The following SLC22A25 variants were observed in gnomAD, a reference collection of about 807,000 sequenced individuals.
SLC22A25 encodes MGI:2442751, MGI:2385316, MGI:3042283, MGI:3645714, MGI:3605624, MGI:2442750.
SLC22A25 carries 44 observed loss-of-function variants against 45.9 expected under a neutral mutation model. The observed-to-expected ratio is 0.96, with a 90% CI of 0.75 to 1.23. The LOEUF is 1.23. SLC22A25 is among the 50% of genes most tolerant of loss of function. The pLI is 0.00. For synonymous variants in SLC22A25, 283 were observed against 238.6 expected, an observed-to-expected ratio of 1.19 and a Z score of -1.72; for missense variants, 800 against 666.4, an observed-to-expected ratio of 1.20 and a Z score of -2.21.
intron 9 of SLC22A25, among the ~76,000 whole-genome samples, chr11:63,172,488 A>T (rs1448675613): frequency 6.6e-6 from 1 of 152,178 alleles, no homozygotes; most frequent in Non-Finnish European, 1.5e-5. Flanking sequence ...ATGTGAACAG[A>T]CACTTCTCAA....
At chr11:63,180,826 G>A in intron 8 of SLC22A25, 51 bp from the exon 9 acceptor site, 2 of 1,369,854 alleles carry the variant, frequency 1.5e-6, no homozygotes, top group Non-Finnish European at 2.1e-6. Flanking sequence ...AAAATGGTAG[G>A]CATTGTAAGA....
chr11:63,214,001 C>T (rs1280037047), intron 7 of SLC22A25, among the ~76,000 whole-genome samples: 3 of 152,130 alleles, frequency 2.0e-5, no homozygotes, highest in Non-Finnish European at 4.4e-5. Flanking sequence ...ATTTAACCAA[C>T]TGTTGCCAAG....
intron 3 of SLC22A25, among the ~76,000 whole-genome samples, chr11:63,235,671 G>C: frequency 6.6e-6 from 1 of 152,174 alleles, no homozygotes; most frequent in Non-Finnish European, 1.5e-5. Flanking sequence ...GTCCAGCTTT[G>C]TTCTGTTGCT....
At chr11:63,238,062 G>T (rs758833287) in intron 2 of SLC22A25, 50 bp from the exon 3 acceptor site, 1 of 152,124 alleles carries the variant, frequency 6.6e-6, no homozygotes, top group Non-Finnish European at 1.5e-5. Flanking sequence ...AACTTAAAAC[G>T]CCTCAGAGGA....
intron 1 of SLC22A25, among the ~76,000 whole-genome samples, chr11:63,241,486 C>T (rs1330679960): frequency 6.6e-6 from 1 of 152,186 alleles, no homozygotes; most frequent in East Asian, 1.9e-4. Flanking sequence ...CTCTTTCCTT[C>T]CTATTATCCA....
chr11:63,173,398 C>T (rs1317136926), intron 9 of SLC22A25, among the ~76,000 whole-genome samples: 1 of 152,060 alleles, frequency 6.6e-6, no homozygotes, highest in Non-Finnish European at 1.5e-5. Flanking sequence ...AAAAAAGAGG[C>T]AGTCAATAAA....
Position 63,239,955 on chromosome 11 carries a change from G to C in SLC22A25, c.-995-820C>G, listed in dbSNP as rs994336592. ...ACAGTCATGCATCTCAAAACAACAGGAATATGCTCTGAGAAATGCATTATT... is the reference window on the plus strand; with the variant it reads ...ACAGTCATGCATCTCAAAACAACAGCAATATGCTCTGAGAAATGCATTATT... On this transcript the variant is annotated intron_variant, in intron 1 of 11. Coordinates refer to ENST00000306494, the MANE Select transcript of SLC22A25 (RefSeq NM_199352.6). Among the ~76,000 whole-genome samples the C allele has an allele frequency of 7.9e-5, 12 of 152,092 alleles. 1 individual carries two copies. The highest frequency in any genetic ancestry group is 3.3e-4 in the Admixed American group (5 of 15,266).
chr11:63,236,751 C>A (rs1027199771), intron 3 of SLC22A25, among the ~76,000 whole-genome samples: 19 of 152,294 alleles, frequency 1.2e-4, no homozygotes, highest in Admixed American at 1.1e-3. Flanking sequence ...GCATCGCTGA[C>A]CCTGGGAGCT....
chr11:63,240,345 T>C (rs774580388), intron 1 of SLC22A25, among the ~76,000 whole-genome samples: 1 of 152,114 alleles, frequency 6.6e-6, no homozygotes, highest in Non-Finnish European at 1.5e-5. Flanking sequence ...TTCATTAGAG[T>C]CAAAGAAAAA....
chr11:63,169,279 A>G (rs1380113871), intron 9 of SLC22A25, among the ~76,000 whole-genome samples: 1 of 152,216 alleles, frequency 6.6e-6, no homozygotes, highest in South Asian at 2.1e-4. Flanking sequence ...CAAACTAAGC[A>G]GCTAACATCA....
At chr11:63,188,790 C>T (rs190340396) in intron 7 of SLC22A25, among the ~76,000 whole-genome samples, 49 of 152,256 alleles carry the variant, frequency 3.2e-4, no homozygotes, top group African/African-American at 9.9e-4. Flanking sequence ...TTTCTGCCTT[C>T]GTTTTGTTAT....
chr11:63,167,950 T>G (rs2042926788), intron 9 of SLC22A25: 4 of 402,062 alleles, frequency 9.9e-6, no homozygotes, highest in South Asian at 6.9e-5. Flanking sequence ...TCCTCTAAAA[T>G]GAAGCTTCCA....
intron 9 of SLC22A25, among the ~76,000 whole-genome samples, chr11:63,178,350 G>A (rs540932670): frequency 9.2e-5 from 14 of 152,150 alleles, no homozygotes; most frequent in African/African-American, 3.4e-4. Flanking sequence ...GAGACTGCTG[G>A]ATAATATGGT....
intron 7 of SLC22A25, 33 bp from the exon 8 acceptor site, chr11:63,183,850 C>A: frequency 6.2e-7 from 1 of 1,611,524 alleles, no homozygotes; most frequent in Non-Finnish European, 8.5e-7. Flanking sequence ...GTGCAGCCAA[C>A]CACTACTTAC....
chr11:63,173,095 A>G (rs2087948562), intron 9 of SLC22A25, among the ~76,000 whole-genome samples: 1 of 152,058 alleles, frequency 6.6e-6, no homozygotes, highest in African/African-American at 2.4e-5. Flanking sequence ...GGAAACCATC[A>G]TTCTCAGCAA....
chr11:63,243,287 T>TTGG (rs2090281816), intron 1 of SLC22A25, 147 bp downstream of exon 1: 1 of 416,482 alleles, frequency 2.4e-6, no homozygotes, highest in Admixed American at 3.5e-5. Flanking sequence ...GGCCATTTGA[T>TTGG]TGGTGGCCAC....
intron 5 of SLC22A25, among the ~76,000 whole-genome samples, chr11:63,226,659 T>C (rs1044244898): frequency 3.3e-5 from 5 of 152,146 alleles, no homozygotes; most frequent in Non-Finnish European, 7.4e-5. Flanking sequence ...CCACCTATAT[T>C]TGCTAAAGGT....
chr11:63,183,874 T>A, intron 7 of SLC22A25, 57 bp from the exon 8 acceptor site: 2 of 1,607,902 alleles, frequency 1.2e-6, no homozygotes, highest in Non-Finnish European at 1.7e-6. Flanking sequence ...TTTTTTCACA[T>A]AACATTTATC....
chr11:63,230,925 T>G (rs546917299), intron 3 of SLC22A25, among the ~76,000 whole-genome samples: 1 of 152,284 alleles, frequency 6.6e-6, no homozygotes, highest in African/African-American at 2.4e-5. Context: ...CTTGAGATAG[T>G]TGGTTGAGAA....
Sources: gnomAD v4.1 joint callset for allele counts (sites outside exome capture counted in the v4.1 genomes callset) on GRCh38, gnomAD v4.1.1 for gene constraint, MANE v1.5 for transcripts, NCBI Gene and HGNC (gene_info 2026-07-23, HGNC 2026-07-21) for gene names.